MGLL: variants seen among roughly 807,000 people sequenced by gnomAD.
MGLL encodes lysophospholipase homolog.
In MGLL, 7 loss-of-function variants were observed where a neutral mutation model predicts 29.1. That is an observed-to-expected ratio of 0.24 (90% confidence interval 0.14 to 0.45). The LOEUF (loss-of-function observed/expected upper bound fraction) is 0.45. Among genes scored for constraint, MGLL ranks in the 20% least tolerant of loss-of-function variants. The probability of loss-of-function intolerance (pLI) is 0.99; values close to 1 mark genes in which losing one functional copy is unlikely to be tolerated. For synonymous variants in MGLL, 148 were observed against 168.3 expected, an observed-to-expected ratio of 0.88 and a Z score of 0.93; for missense variants, 356 against 413.6, an observed-to-expected ratio of 0.86 and a Z score of 1.21.
At chr3:127,741,169 GTTC>G (rs1001573519) in intron 3 of MGLL, among the ~76,000 whole-genome samples, 15 of 152,246 alleles carry the variant, frequency 9.9e-5, no homozygotes, top group African/African-American at 2.9e-4. Context: ...TGGATACAAT[GTTC>G]TTCTTCTTCA....
At chr3:127,771,683 T>C (rs1474732441) in intron 3 of MGLL, among the ~76,000 whole-genome samples, 1 of 152,208 alleles carries the variant, frequency 6.6e-6, no homozygotes, top group African/African-American at 2.4e-5. Flanking sequence ...AACGTTTTCA[T>C]CTGCCTTAGG....
intron 6 of MGLL, 43 bp downstream of exon 6, chr3:127,710,533 G>A: frequency 6.8e-7 from 1 of 1,473,406 alleles, no homozygotes; most frequent in Non-Finnish European, 9.3e-7. Context: ...CCCCATGGGG[G>A]CAGCCACCCA....
chr3:127,782,001 G>A, intron 2 of MGLL, 106 bp from the exon 3 acceptor site: 2 of 1,002,940 alleles, frequency 2.0e-6, no homozygotes, highest in Non-Finnish European at 3.1e-6. Context: ...CGGGCGGATT[G>A]CCTGAGCTCA....
Position 127,800,521 on chromosome 3 carries a change from T to C in MGLL, c.156-18626A>G, listed in dbSNP as rs116258309. Among the ~76,000 whole-genome samples, 640 of 152,320 alleles carry C rather than the reference T, an allele frequency of 4.2e-3. 2 individuals are homozygous for C. Among genetic ancestry groups the C allele is most frequent in the Middle Eastern group, 0.024 (7 of 294 alleles). ...GACCTGTAGTGAGAATTAAACAACA[T>C]AGAATATACACAATAAAGTTGGCTA... On this transcript the variant is annotated intron_variant, in intron 2 of 7. Transcript: ENST00000265052.
intron 3 of MGLL, among the ~76,000 whole-genome samples, chr3:127,729,627 T>C (rs2076111777): frequency 6.6e-6 from 1 of 152,264 alleles, no homozygotes; most frequent in Non-Finnish European, 1.5e-5. Flanking sequence ...GCAGAATTTA[T>C]GAACAAGTCC....
intron 3 of MGLL, among the ~76,000 whole-genome samples, chr3:127,749,257 C>G (rs1450174782): frequency 6.6e-6 from 1 of 152,200 alleles, no homozygotes; most frequent in Non-Finnish European, 1.5e-5. Context: ...ACTGTCTTGA[C>G]TTTTGGATCA....
intron 2 of MGLL, among the ~76,000 whole-genome samples, chr3:127,803,138 C>T (rs2077507781): frequency 6.6e-6 from 1 of 151,998 alleles, no homozygotes; most frequent in African/African-American, 2.4e-5. Flanking sequence ...TCCCCTCACA[C>T]CCAGTTTATT....
intron 6 of MGLL, among the ~76,000 whole-genome samples, chr3:127,707,022 AGAG>A (rs1020626152): frequency 2.6e-5 from 4 of 152,200 alleles, no homozygotes; most frequent in African/African-American, 7.2e-5. Context: ...AACACCGGGC[AGAG>A]GAGACAAAAA....
chr3:127,754,568 C>T (rs925979877), intron 3 of MGLL, among the ~76,000 whole-genome samples: 1 of 152,186 alleles, frequency 6.6e-6, no homozygotes, highest in Non-Finnish European at 1.5e-5. Context: ...GACGCTGAGG[C>T]ACAGAGAGGA....
At chr3:127,792,630 G>T (rs2077319900) in intron 2 of MGLL, among the ~76,000 whole-genome samples, 1 of 152,102 alleles carries the variant, frequency 6.6e-6, no homozygotes, top group Admixed American at 6.5e-5. Flanking sequence ...TTGAACCCGG[G>T]AGGCGGAGGT....
intron 3 of MGLL, among the ~76,000 whole-genome samples, chr3:127,739,523 T>A (rs1357405436): frequency 6.6e-6 from 1 of 152,202 alleles, no homozygotes; most frequent in Non-Finnish European, 1.5e-5. Context: ...CAAGAGCCAC[T>A]GTGGATAGAA....
chr3:127,790,839 G>A lies in MGLL; in HGVS notation c.156-8944C>T, dbSNP rs183991135. 1.2e-4 allele frequency among the ~76,000 whole-genome samples: 19 copies of A among 152,230 alleles called. No individual in the cohort carries two copies. The East Asian group carries it at 3.7e-3, about 29-fold the overall frequency. ...AGTCCAGCCAGCCTGCCCACTTCCT[G>A]GGGGACCCTAGTCTAGGAGCCTGAT... On this transcript the variant is annotated intron_variant, in intron 2 of 7. Transcript: ENST00000265052.
At chr3:127,742,723 G>C (rs2076367285) in intron 3 of MGLL, among the ~76,000 whole-genome samples, 1 of 151,992 alleles carries the variant, frequency 6.6e-6, no homozygotes, top group South Asian at 2.1e-4. Context: ...TGGGGAGAGA[G>C]AGAGCCGTAT....
At chr3:127,792,530 C>T (rs1194746664) in intron 2 of MGLL, among the ~76,000 whole-genome samples, 2 of 152,128 alleles carry the variant, frequency 1.3e-5, no homozygotes, top group African/African-American at 2.4e-5. Flanking sequence ...GGTGAAACCC[C>T]GTTCTCTACT....
At chr3:127,710,481 A>T (rs1195220306) in intron 6 of MGLL, 95 bp downstream of exon 6, 2 of 1,118,454 alleles carry the variant, frequency 1.8e-6, no homozygotes, top group African/African-American at 3.1e-5. Flanking sequence ...CCTCGGTGAA[A>T]GGGCAGCAGA....
chr3:127,774,748 T>A (rs761292812), intron 3 of MGLL, among the ~76,000 whole-genome samples: 1 of 152,118 alleles, frequency 6.6e-6, no homozygotes, highest in African/African-American at 2.4e-5. Flanking sequence ...CCAGGGGCTG[T>A]TAGAAATGCA....
chr3:127,706,076 TC>T (rs2075596825), intron 6 of MGLL, among the ~76,000 whole-genome samples: 1 of 152,048 alleles, frequency 6.6e-6, no homozygotes, highest in Non-Finnish European at 1.5e-5. Context: ...GACCCAGCAA[TC>T]CCACTTCTGG....
rs576324850 is a variant in MGLL, at chr3:127,790,543, G to A, written c.156-8648C>T. Among the ~76,000 whole-genome samples the A allele has an allele frequency of 6.6e-5, 10 of 152,266 alleles. No individual in the cohort carries two copies. The South Asian group carries it at 2.1e-3, about 32-fold the overall frequency. ...GCAGGAGATGAGATGGAGGGAGGGG[G>A]ATAGATTGGACAATCCTGAAATAAA... On this transcript the variant is annotated intron_variant, in intron 2 of 7. Transcript: ENST00000265052.
At chr3:127,723,321 C>T (rs1246276495) in intron 3 of MGLL, among the ~76,000 whole-genome samples, 2 of 152,230 alleles carry the variant, frequency 1.3e-5, no homozygotes, top group African/African-American at 4.8e-5. Flanking sequence ...AAAAAGAAAG[C>T]GCTTCTGGAG....
Sources: allele counts gnomAD v4.1 joint callset (sites outside exome capture counted in the v4.1 genomes callset), GRCh38; gene constraint gnomAD v4.1.1; transcripts MANE v1.5; gene names NCBI Gene and HGNC (gene_info 2026-07-23, HGNC 2026-07-21).